Variants in CAST observed in about 807,000 individuals in gnomAD.
CAST encodes the protein MIR583 host.
Under a neutral mutation model 119.6 loss-of-function variants are expected in CAST, and 76 were observed. The ratio of observed to expected loss-of-function variants is 0.64; its 90% confidence interval spans 0.53 to 0.77. The LOEUF (loss-of-function observed/expected upper bound fraction) is 0.77. Ranked by LOEUF, CAST falls within the 30% of genes least tolerant of loss-of-function variation. The pLI, the probability that CAST is intolerant of heterozygous loss-of-function variation, is 0.00. For synonymous variants in CAST, 319 were observed against 331.6 expected (o/e 0.96, Z 0.41); for missense variants, 953 against 946.5 (o/e 1.01, Z -0.09).
chr5:96,615,104 A>G (rs1461857681), intron 1 of CAST, among the ~76,000 whole-genome samples: 4 of 152,202 alleles, frequency 2.6e-5, no homozygotes, highest in Non-Finnish European at 5.9e-5. Flanking sequence ...TTTCAGTACA[A>G]TATTCAATAC....
chr5:96,711,457 C>G (rs1401243751), intron 3 of CAST, among the ~76,000 whole-genome samples: 1 of 152,078 alleles, frequency 6.6e-6, no homozygotes, highest in Admixed American at 6.5e-5. Context: ...TAAATAGAAA[C>G]AAATAAATTT....
the CAST span, among the ~76,000 whole-genome samples, chr5:95,966,071 A>G: frequency 4.6e-5 from 7 of 152,134 alleles, no homozygotes; most frequent in Non-Finnish European, 1.0e-4. Flanking sequence ...CTCTGCTGGT[A>G]TAATCCTTTA....
chr5:96,592,829 A>T (rs1221830261), intron 1 of CAST, among the ~76,000 whole-genome samples: 2 of 150,104 alleles, frequency 1.3e-5, no homozygotes, highest in Non-Finnish European at 3.0e-5. Flanking sequence ...CAGTGCCGTG[A>T]TCTCTGCTCA....
At chr5:96,438,847 T>C in the CAST span, among the ~76,000 whole-genome samples, 1 of 152,194 alleles carries the variant, frequency 6.6e-6, no homozygotes, top group Non-Finnish European at 1.5e-5. Flanking sequence ...TCCAAATTTA[T>C]ATTTTTGGAG....
chr5:96,728,974 T>G (rs1240319201), intron 6 of CAST, 179 bp from the exon 7 acceptor site: 7 of 575,938 alleles, frequency 1.2e-5, no homozygotes, highest in East Asian at 6.2e-5. Flanking sequence ...ACAGGGTTAC[T>G]ATTGACCTGA....
intron 1 of CAST, among the ~76,000 whole-genome samples, chr5:96,559,753 C>G (rs1168769626): frequency 6.6e-6 from 1 of 152,198 alleles, no homozygotes; most frequent in East Asian, 1.9e-4. Flanking sequence ...TAGGAAGAAT[C>G]AGTATCGTGA....
At chr5:96,065,494 G>A in the CAST span, among the ~76,000 whole-genome samples, 1 of 151,866 alleles carries the variant, frequency 6.6e-6, no homozygotes, top group Non-Finnish European at 1.5e-5. Flanking sequence ...TCTCTATACT[G>A]TGTATATATT....
chr5:96,113,508 C>A, the CAST span, among the ~76,000 whole-genome samples: 1 of 152,230 alleles, frequency 6.6e-6, no homozygotes, highest in Non-Finnish European at 1.5e-5. Context: ...AGGATTAATG[C>A]TTTGAAAATA....
At chr5:96,760,570 T>C (rs112012220) in intron 24 of CAST, among the ~76,000 whole-genome samples, 21 of 151,824 alleles carry the variant, frequency 1.4e-4, no homozygotes, top group Non-Finnish European at 3.0e-4. Context: ...ATGACAAACA[T>C]TAAAAGGGAA....
the CAST span, among the ~76,000 whole-genome samples, chr5:96,132,574 C>T: frequency 6.6e-6 from 1 of 152,032 alleles, no homozygotes. Flanking sequence ...CCCATTTTTC[C>T]CAACCTCTAA....
At chr5:96,167,488 C>T in the CAST span, among the ~76,000 whole-genome samples, 10 of 152,178 alleles carry the variant, frequency 6.6e-5, no homozygotes, top group African/African-American at 2.4e-4. Context: ...CTGTAGCATT[C>T]CAAGGACAGG....
the CAST span, among the ~76,000 whole-genome samples, chr5:96,235,114 C>G: frequency 1.4e-4 from 21 of 152,114 alleles, no homozygotes; most frequent in African/African-American, 5.1e-4. Context: ...CCAAAGGTGC[C>G]CCTCCAAGTG....
At chr5:96,365,898 A>G in the CAST span, among the ~76,000 whole-genome samples, 1 of 152,214 alleles carries the variant, frequency 6.6e-6, no homozygotes, top group East Asian at 1.9e-4. Flanking sequence ...TTTGCTCATT[A>G]GTTGATGCAG....
chr5:96,051,380 A>G, the CAST span, among the ~76,000 whole-genome samples: 271 of 152,312 alleles, frequency 1.8e-3, 1 homozygote, highest in Non-Finnish European at 2.2e-3. Flanking sequence ...GGAATAAAGT[A>G]TTGAAGTCAA....
chr5:96,164,984 A>G, the CAST span, among the ~76,000 whole-genome samples: 905 of 152,218 alleles, frequency 5.9e-3, 11 homozygotes, highest in African/African-American at 0.021. Context: ...AATTCTGGGA[A>G]GAGATGGTTA....
chr5:96,177,519 A>G, the CAST span, among the ~76,000 whole-genome samples: 1 of 152,194 alleles, frequency 6.6e-6, no homozygotes, highest in Admixed American at 6.5e-5. Flanking sequence ...ACTTTTGCTC[A>G]TATAGCAAGC....
At chr5:96,037,171 C>G in the CAST span, among the ~76,000 whole-genome samples, 1 of 152,116 alleles carries the variant, frequency 6.6e-6, no homozygotes. Flanking sequence ...GACTTCTTCC[C>G]TGTGGTAGAA....
chr5:96,601,803 A>T (rs1292932536), intron 1 of CAST, among the ~76,000 whole-genome samples: 5 of 152,234 alleles, frequency 3.3e-5, no homozygotes, highest in African/African-American at 1.2e-4. Context: ...CTGTCAAATA[A>T]TTAAAATTTT....
At chr5:96,081,177 G>C in the CAST span, among the ~76,000 whole-genome samples, 540 of 152,310 alleles carry the variant, frequency 3.5e-3, 3 homozygotes, top group Middle Eastern at 0.014. Context: ...CCTGACAAAG[G>C]AGTGAGACTC....
Sources: allele counts gnomAD v4.1 joint callset (sites outside exome capture counted in the v4.1 genomes callset), GRCh38; gene constraint gnomAD v4.1.1; transcripts MANE v1.5; gene names NCBI Gene and HGNC (gene_info 2026-07-23, HGNC 2026-07-21).